Variants in TAS2R1 observed in about 807,000 individuals in gnomAD.
The protein encoded by TAS2R1 is taste receptor type 2 member 1.
For synonymous variants in TAS2R1, 141 were observed against 134.2 expected, an observed-to-expected ratio of 1.05 and a Z score of -0.35; for missense variants, 370 against 353.4, an observed-to-expected ratio of 1.05 and a Z score of -0.38.
At chr5:9,731,053 T>G in the TAS2R1 span, among the ~76,000 whole-genome samples, 1 of 152,040 alleles carries the variant, frequency 6.6e-6, no homozygotes, top group African/African-American at 2.4e-5. Context: ...AGCACATAGG[T>G]GGACTGAAAT....
the TAS2R1 span, among the ~76,000 whole-genome samples, chr5:9,874,901 TTC>T: frequency 6.6e-6 from 1 of 152,168 alleles, no homozygotes; most frequent in Admixed American, 6.5e-5. Flanking sequence ...GATTTTAAAC[TTC>T]CCCCAAAAGT....
chr5:9,708,466 T>G (rs1406165396), intron 1 of TAS2R1, among the ~76,000 whole-genome samples: 1 of 152,224 alleles, frequency 6.6e-6, no homozygotes, highest in Non-Finnish European at 1.5e-5. Flanking sequence ...TATAATCATG[T>G]CATAAGGCAA....
chr5:9,767,964 A>C, the TAS2R1 span, among the ~76,000 whole-genome samples: 1 of 145,258 alleles, frequency 6.9e-6, no homozygotes, highest in African/African-American at 2.6e-5. Flanking sequence ...TCACTCCTTC[A>C]CTTAGAACCC....
the TAS2R1 span, among the ~76,000 whole-genome samples, chr5:9,794,502 A>T: frequency 6.6e-6 from 1 of 152,234 alleles, no homozygotes; most frequent in South Asian, 2.1e-4. Context: ...AAATATTAAT[A>T]AACAAATATA....
the TAS2R1 span, among the ~76,000 whole-genome samples, chr5:9,796,719 T>C: frequency 1.1e-5 from 1 of 89,416 alleles, no homozygotes; most frequent in East Asian, 3.1e-4. Flanking sequence ...AGCTATTTTC[T>C]GGAAAAAAAA....
At chr5:9,773,696 T>G in the TAS2R1 span, among the ~76,000 whole-genome samples, 1 of 152,226 alleles carries the variant, frequency 6.6e-6, no homozygotes, top group Non-Finnish European at 1.5e-5. Context: ...GGATATATTA[T>G]TCTAGGATAT....
At chr5:9,896,700 T>G in the TAS2R1 span, among the ~76,000 whole-genome samples, 1 of 152,252 alleles carries the variant, frequency 6.6e-6, no homozygotes, top group Non-Finnish European at 1.5e-5. Context: ...GCCATGCCTG[T>G]TTGGCAATGT....
chr5:9,820,178 A>T, the TAS2R1 span, among the ~76,000 whole-genome samples: 7 of 152,302 alleles, frequency 4.6e-5, no homozygotes, highest in African/African-American at 1.7e-4. Flanking sequence ...CCTGCATTCC[A>T]TTGATCAGAA....
chr5:9,816,950 C>A, the TAS2R1 span, among the ~76,000 whole-genome samples: 1 of 152,062 alleles, frequency 6.6e-6, no homozygotes, highest in Admixed American at 6.6e-5. Context: ...AAATTTCATT[C>A]TTTCTAGCTT....
intron 2 of TAS2R1, among the ~76,000 whole-genome samples, chr5:9,645,898 C>T (rs1740177131): frequency 6.6e-6 from 1 of 152,124 alleles, no homozygotes; most frequent in Non-Finnish European, 1.5e-5. Flanking sequence ...TTACTGCTGG[C>T]CTTGACATTT....
chr5:9,714,531 C>A (rs1187782267), upstream of TAS2R1, among the ~76,000 whole-genome samples: 2 of 152,204 alleles, frequency 1.3e-5, no homozygotes, highest in African/African-American at 4.8e-5. Context: ...CTCTGACCTG[C>A]AGTACTCTGC....
At chr5:9,655,932 T>G (rs1740409485) in intron 2 of TAS2R1, among the ~76,000 whole-genome samples, 1 of 152,020 alleles carries the variant, frequency 6.6e-6, no homozygotes, top group Non-Finnish European at 1.5e-5. Context: ...TGGGAAACTT[T>G]TATTAATGTT....
chr5:9,744,113 T>C, the TAS2R1 span, among the ~76,000 whole-genome samples: 1 of 152,148 alleles, frequency 6.6e-6, no homozygotes, highest in African/African-American at 2.4e-5. Context: ...TCTCTTCCTT[T>C]CCCCTCTGCC....
At chr5:9,633,294 T>TA (rs1476544403), upstream of TAS2R1, among the ~76,000 whole-genome samples, 100 of 67,802 alleles carry the variant, frequency 1.5e-3, 7 homozygotes, top group East Asian at 0.019. Flanking sequence ...TGTGTGTATA[T>TA]TATATATATA....
chr5:9,666,167 G>A (rs1199529047), intron 1 of TAS2R1, among the ~76,000 whole-genome samples: 1 of 152,092 alleles, frequency 6.6e-6, no homozygotes, highest in East Asian at 1.9e-4. Flanking sequence ...ATGTTTAAAA[G>A]CTTTTGTTTT....
chr5:9,630,657 T>G (rs777909933), upstream of TAS2R1, among the ~76,000 whole-genome samples: 13 of 152,288 alleles, frequency 8.5e-5, no homozygotes, highest in Non-Finnish European at 1.5e-4. Flanking sequence ...CACATACATG[T>G]GTACACCAGG....
intron 1 of TAS2R1, among the ~76,000 whole-genome samples, chr5:9,701,152 G>A (rs1365699642): frequency 6.6e-6 from 1 of 151,712 alleles, no homozygotes; most frequent in African/African-American, 2.4e-5. Flanking sequence ...GTGTGTGTGT[G>A]GAGAAGGGGA....
At chr5:9,716,623 T>G (rs1406652437), upstream of TAS2R1, among the ~76,000 whole-genome samples, 1 of 151,720 alleles carries the variant, frequency 6.6e-6, no homozygotes, top group African/African-American at 2.4e-5. Flanking sequence ...GACTAATGAG[T>G]TCCCCCATTT....
chr5:9,700,048 C>T (rs959764571), intron 1 of TAS2R1, among the ~76,000 whole-genome samples: 2 of 152,104 alleles, frequency 1.3e-5, no homozygotes, highest in East Asian at 1.9e-4. Flanking sequence ...AAAAAAAAAT[C>T]TGGTGTTTAA....
Sources: gnomAD v4.1 joint callset for allele counts (sites outside exome capture counted in the v4.1 genomes callset) on GRCh38, gnomAD v4.1.1 for gene constraint, MANE v1.5 for transcripts, NCBI Gene and HGNC (gene_info 2026-07-23, HGNC 2026-07-21) for gene names.